Variants in THSD7B observed in about 807,000 individuals in gnomAD.
The protein encoded by THSD7B is thrombospondin type-1 domain-containing protein 7B.
A neutral mutation model predicts 213.6 loss-of-function variants in THSD7B; 138 were observed. The observed-to-expected ratio is 0.65, with a 90% confidence interval of 0.56 to 0.74. THSD7B has a LOEUF of 0.74. THSD7B is among the 30% of genes least tolerant of loss of function. The pLI is 0.00. For missense variants in THSD7B, 1,931 were observed against 1,991.5 expected (o/e 0.97, Z 0.58); for synonymous variants, 742 against 687.0 (o/e 1.08, Z -1.25).
chr2:137,051,339 G>A (rs879308847), intron 2 of THSD7B, among the ~76,000 whole-genome samples: 9 of 152,150 alleles, frequency 5.9e-5, no homozygotes, highest in Non-Finnish European at 1.3e-4. Context: ...ATGAATGAAT[G>A]TTCAGATGTC....
At chr2:137,594,350 G>A (rs1681918372) in intron 17 of THSD7B, among the ~76,000 whole-genome samples, 1 of 151,952 alleles carries the variant, frequency 6.6e-6, no homozygotes, top group African/African-American at 2.4e-5. Context: ...AGAGTCTCGG[G>A]TGCAAGTCAT....
At chr2:136,805,395 C>A (rs896944981) in intron 1 of THSD7B, among the ~76,000 whole-genome samples, 2 of 152,138 alleles carry the variant, frequency 1.3e-5, no homozygotes. Flanking sequence ...TGCATCCCCA[C>A]CAATAGGAGG....
At chr2:137,373,292 G>A (rs1363430784) in intron 12 of THSD7B, among the ~76,000 whole-genome samples, 1 of 152,182 alleles carries the variant, frequency 6.6e-6, no homozygotes, top group African/African-American at 2.4e-5. Flanking sequence ...CACAATGGTT[G>A]AACTAGTTTA....
chr2:137,066,954 A>G (rs753461455), intron 3 of THSD7B, among the ~76,000 whole-genome samples: 5 of 151,908 alleles, frequency 3.3e-5, no homozygotes, highest in African/African-American at 1.2e-4. Context: ...TGATTTCCTA[A>G]ACTCCGTCCA....
At chr2:137,077,166 TA>T (rs1687643975) in intron 3 of THSD7B, among the ~76,000 whole-genome samples, 1 of 152,166 alleles carries the variant, frequency 6.6e-6, no homozygotes, top group Non-Finnish European at 1.5e-5. Context: ...TCATCATTTT[TA>T]TGGCTGCATA....
At chr2:137,451,083 A>C in intron 15 of THSD7B, 60 bp downstream of exon 15, 1 of 1,419,444 alleles carries the variant, frequency 7.0e-7, no homozygotes. Flanking sequence ...ATTATTTCCC[A>C]TTGAAATTGA....
At chr2:137,584,614 TTC>T (rs1176067298) in intron 17 of THSD7B, among the ~76,000 whole-genome samples, 2 of 152,190 alleles carry the variant, frequency 1.3e-5, no homozygotes, top group Admixed American at 1.3e-4. Context: ...ATGTTTTTGG[TTC>T]TGTTTATATG....
intron 4 of THSD7B, among the ~76,000 whole-genome samples, chr2:137,111,963 G>A (rs952566453): frequency 6.6e-6 from 1 of 152,154 alleles, no homozygotes; most frequent in Admixed American, 6.5e-5. Flanking sequence ...GTTGGGAGAT[G>A]GGAGGTTGAA....
At chr2:137,116,767 T>C (rs1688453313) in intron 5 of THSD7B, among the ~76,000 whole-genome samples, 1 of 152,170 alleles carries the variant, frequency 6.6e-6, no homozygotes. Context: ...TCTGGTGTTC[T>C]AGAATTGGGA....
intron 17 of THSD7B, among the ~76,000 whole-genome samples, chr2:137,612,958 T>C (rs751040509): frequency 7.6e-4 from 116 of 152,296 alleles, no homozygotes; most frequent in Admixed American, 1.1e-3. Context: ...TCCCAGCTAC[T>C]TGGAAGGAAG....
chr2:137,049,472 C>G (rs539879319), intron 2 of THSD7B, among the ~76,000 whole-genome samples: 9 of 152,294 alleles, frequency 5.9e-5, no homozygotes, highest in African/African-American at 2.2e-4. Context: ...CAAAGCAGAA[C>G]AATTTCAATA....
At chr2:136,992,206 C>T (rs1685800010) in intron 2 of THSD7B, among the ~76,000 whole-genome samples, 1 of 152,246 alleles carries the variant, frequency 6.6e-6, no homozygotes. Flanking sequence ...TCACAATAAT[C>T]TTCCTTCTGA....
intron 9 of THSD7B, among the ~76,000 whole-genome samples, chr2:137,241,056 C>T (rs558435861): frequency 2.0e-5 from 3 of 152,170 alleles, no homozygotes; most frequent in African/African-American, 7.2e-5. Flanking sequence ...GGTGCTTTGT[C>T]TCCATGAAGC....
chr2:137,403,925 C>CA (rs1045851134), intron 12 of THSD7B, among the ~76,000 whole-genome samples: 4 of 151,560 alleles, frequency 2.6e-5, no homozygotes, highest in South Asian at 2.1e-4. Flanking sequence ...TACACACCCA[C>CA]AAAAAAAACT....
chr2:136,789,452 A>G, intron 1 of THSD7B, among the ~76,000 whole-genome samples: 1 of 152,104 alleles, frequency 6.6e-6, no homozygotes, highest in African/African-American at 2.4e-5. Context: ...TGGCATATCT[A>G]CCACCTTAAA....
chr2:137,448,687 T>C (rs771462589), intron 14 of THSD7B, among the ~76,000 whole-genome samples: 1 of 152,046 alleles, frequency 6.6e-6, no homozygotes, highest in African/African-American at 2.4e-5. Flanking sequence ...TAGTCCCAGC[T>C]ACTCGGGAGG....
At chr2:137,588,268 C>T (rs966073204) in intron 17 of THSD7B, among the ~76,000 whole-genome samples, 19 of 152,158 alleles carry the variant, frequency 1.2e-4, no homozygotes, top group African/African-American at 4.3e-4. Flanking sequence ...AATTCCCTGA[C>T]CCCTTATGCT....
rs548189857 is a variant in THSD7B at position 137,586,560 on chromosome 2, G to C, written c.3423+14004G>C. On this transcript the variant is annotated intron_variant, in intron 17 of 27. Coordinates refer to ENST00000409968, the MANE Select transcript of THSD7B (RefSeq NM_001316349.2). ...TGACATAATCTCTCAGCATTTGCTT[G>C]TCTGTAAAGGATTTTATTTTTCCTT... Among the ~76,000 whole-genome samples the C allele has an allele frequency of 1.1e-4, 16 of 152,272 alleles. No homozygotes were observed. The South Asian group carries it at 2.3e-3, about 22-fold the overall frequency.
Position 137,045,564 on chromosome 2 carries a change from T to C in THSD7B, c.140-10856T>C, listed in dbSNP as rs139053986. 2.6e-3 allele frequency among the ~76,000 whole-genome samples: 396 copies of C among 152,352 alleles called. 4 individuals are homozygous for C. Among genetic ancestry groups the C allele is most frequent in the African/African-American group, 8.6e-3 (358 of 41,592 alleles). On this transcript the variant is annotated intron_variant, in intron 2 of 27. Transcript: ENST00000409968. ...GGAACTGCAGTTGACCATAGGTAAC[T>C]AAAACCACAAAAAGTGAAGCCACAG...
Sources: gnomAD v4.1 joint callset for allele counts (sites outside exome capture counted in the v4.1 genomes callset) on GRCh38, gnomAD v4.1.1 for gene constraint, MANE v1.5 for transcripts, NCBI Gene and HGNC (gene_info 2026-07-23, HGNC 2026-07-21) for gene names.